DNM3: variants seen among roughly 807,000 people sequenced by gnomAD.
The protein encoded by DNM3 is dynamin 3.
Under a neutral mutation model 101.6 loss-of-function variants are expected in DNM3, and 47 were observed. The observed-to-expected ratio is 0.46, with a 90% confidence interval of 0.37 to 0.59. DNM3 has a LOEUF of 0.59. DNM3 is among the 20% of genes least tolerant of loss of function. The probability of loss-of-function intolerance (pLI) is 0.00; values close to 1 mark genes in which losing one functional copy is unlikely to be tolerated. For missense variants in DNM3, 849 were observed against 1,085.7 expected (o/e 0.78, Z 3.06); for synonymous variants, 385 against 387.9 (o/e 0.99, Z 0.09).
chr1:172,307,418 G>T (rs9425545), intron 15 of DNM3, among the ~76,000 whole-genome samples: 52,468 of 152,022 alleles, frequency 0.35, 10,046 homozygotes, highest in African/African-American at 0.52. Flanking sequence ...GCTTTTACAC[G>T]GTTGGTGGGA....
In DNM3 at chr1:172,410,780, C is replaced by A; in HGVS notation, c.*2939C>A. The A allele has an allele frequency of 2.0e-6, 2 of 985,248 alleles. No homozygotes were observed. Among genetic ancestry groups the A allele is most frequent in the Non-Finnish European group, 2.4e-6 (2 of 829,812 alleles). 61.0% of individuals were successfully genotyped at this position (985,248 alleles called of 1,614,324 possible). A position where few individuals can be genotyped will look rare whatever the true frequency, so the allele number is the denominator to read the frequency against. Reference sequence around the variant, plus strand: ...AATGAAACCAGTTCCTGTGATGTAACTGTAAGCCTTCTCGACTTAGACTTA... The same window carrying A: ...AATGAAACCAGTTCCTGTGATGTAAATGTAAGCCTTCTCGACTTAGACTTA... On this transcript the variant is annotated 3_prime_UTR_variant, in exon 21 of 21. Transcript: ENST00000627582.
At chr1:172,171,330 A>T (rs527344046) in intron 14 of DNM3, among the ~76,000 whole-genome samples, 1 of 151,790 alleles carries the variant, frequency 6.6e-6, no homozygotes, top group Non-Finnish European at 1.5e-5. Context: ...TATTATGATC[A>T]TGTTATTGAA....
At chr1:172,084,380 T>G (rs2053382324) in intron 12 of DNM3, among the ~76,000 whole-genome samples, 1 of 152,082 alleles carries the variant, frequency 6.6e-6, no homozygotes. Flanking sequence ...CCATTTTACT[T>G]TATGATGTAG....
At chr1:172,304,700 A>G (rs1372222026) in intron 15 of DNM3, among the ~76,000 whole-genome samples, 1 of 152,238 alleles carries the variant, frequency 6.6e-6, no homozygotes, top group African/African-American at 2.4e-5. Context: ...ACCACAGTGC[A>G]ATCAAATTAG....
intron 14 of DNM3, among the ~76,000 whole-genome samples, chr1:172,251,701 C>T (rs1382508922): frequency 4.6e-5 from 7 of 152,084 alleles, no homozygotes; most frequent in Admixed American, 3.3e-4. Context: ...AAGCCAAGGA[C>T]ATTGTGTTCC....
intron 16 of DNM3, among the ~76,000 whole-genome samples, chr1:172,313,553 A>G (rs981246199): frequency 1.2e-4 from 19 of 152,194 alleles, no homozygotes; most frequent in Non-Finnish European, 2.1e-4. Flanking sequence ...AATGAGGTAG[A>G]CTTCAAGTCA....
intron 13 of DNM3, among the ~76,000 whole-genome samples, chr1:172,128,450 A>G (rs1340283143): frequency 1.3e-5 from 2 of 152,224 alleles, no homozygotes; most frequent in Non-Finnish European, 2.9e-5. Context: ...AACAGCACAC[A>G]GTTCAATAAA....
chr1:172,195,188 A>G (rs764356552), intron 14 of DNM3, among the ~76,000 whole-genome samples: 19 of 151,994 alleles, frequency 1.3e-4, no homozygotes, highest in Non-Finnish European at 2.2e-4. Context: ...CATCCAAACC[A>G]TATCAATGAT....
At chr1:172,348,948 G>A (rs779289861) in intron 17 of DNM3, among the ~76,000 whole-genome samples, 1 of 152,124 alleles carries the variant, frequency 6.6e-6, no homozygotes, top group Non-Finnish European at 1.5e-5. Flanking sequence ...CTGACCCATC[G>A]TCTTCCCAGT....
intron 13 of DNM3, among the ~76,000 whole-genome samples, chr1:172,101,000 T>C (rs1473143157): frequency 6.6e-6 from 1 of 152,222 alleles, no homozygotes; most frequent in Non-Finnish European, 1.5e-5. Context: ...CTATTCACTG[T>C]GGCCAGAGAA....
intron 14 of DNM3, among the ~76,000 whole-genome samples, chr1:172,234,963 C>A (rs2061481752): frequency 6.6e-6 from 1 of 152,158 alleles, no homozygotes; most frequent in Admixed American, 6.5e-5. Flanking sequence ...GACTAAAACA[C>A]CAAAAGCAAT....
chr1:172,214,616 C>A (rs1038797134), intron 14 of DNM3, among the ~76,000 whole-genome samples: 1 of 151,996 alleles, frequency 6.6e-6, no homozygotes, highest in Admixed American at 6.6e-5. Flanking sequence ...GAAGTATTTT[C>A]GAATCTTACA....
chr1:172,090,056 T>C (rs964511642), intron 12 of DNM3, among the ~76,000 whole-genome samples: 1 of 152,196 alleles, frequency 6.6e-6, no homozygotes, highest in Non-Finnish European at 1.5e-5. Flanking sequence ...ACATTCAACT[T>C]CTTTTCCCTT....
intron 13 of DNM3, among the ~76,000 whole-genome samples, chr1:172,113,593 C>G (rs1404121267): frequency 8.1e-6 from 1 of 124,028 alleles, no homozygotes; most frequent in East Asian, 2.7e-4. Flanking sequence ...GCACTCCAGC[C>G]TGGGCAACAA....
chr1:172,359,431 G>GTCTTT (rs2067626486), intron 17 of DNM3, among the ~76,000 whole-genome samples: 1 of 151,792 alleles, frequency 6.6e-6, no homozygotes, highest in Non-Finnish European at 1.5e-5. Context: ...TATAAATCTT[G>GTCTTT]AAGATTTTTT....
intron 16 of DNM3, among the ~76,000 whole-genome samples, chr1:172,312,886 C>A (rs1054732912): frequency 1.4e-4 from 22 of 152,140 alleles, no homozygotes; most frequent in African/African-American, 5.3e-4. Flanking sequence ...TACTTTTATT[C>A]TCTTTCACCT....
At chr1:172,185,473 G>T (rs1410623031) in intron 14 of DNM3, among the ~76,000 whole-genome samples, 1 of 152,032 alleles carries the variant, frequency 6.6e-6, no homozygotes, top group African/African-American at 2.4e-5. Flanking sequence ...TTGTGGGTGG[G>T]GTGCATTTGT....
chr1:172,154,812 C>T (rs1390937755), intron 14 of DNM3, among the ~76,000 whole-genome samples: 4 of 151,844 alleles, frequency 2.6e-5, no homozygotes, highest in African/African-American at 4.8e-5. Flanking sequence ...AAAATTAAAA[C>T]GAAAGTCTCA....
intron 14 of DNM3, among the ~76,000 whole-genome samples, chr1:172,191,069 T>C (rs1300733488): frequency 6.6e-6 from 1 of 152,174 alleles, no homozygotes; most frequent in Non-Finnish European, 1.5e-5. Flanking sequence ...GCTTTTGTTG[T>C]TTTAGTCATG....
Sources: allele counts gnomAD v4.1 joint callset (sites outside exome capture counted in the v4.1 genomes callset), GRCh38; gene constraint gnomAD v4.1.1; transcripts MANE v1.5; gene names NCBI Gene and HGNC (gene_info 2026-07-23, HGNC 2026-07-21).